Variants in SAV1 observed in about 807,000 individuals in gnomAD.
SAV1 encodes the protein salvador family WW domain containing protein 1.
SAV1 carries 23 observed loss-of-function variants against 47.3 expected under a neutral mutation model. The ratio of observed to expected loss-of-function variants is 0.49; its 90% confidence interval spans 0.35 to 0.69. The LOEUF (loss-of-function observed/expected upper bound fraction) is 0.69, where lower values mean the gene tolerates loss of function less well. Ranked by LOEUF, SAV1 falls within the 30% of genes least tolerant of loss-of-function variation. SAV1 has a pLI of 0.01. For synonymous variants in SAV1, 155 were observed against 159.2 expected, an observed-to-expected ratio of 0.97 and a Z score of 0.20; for missense variants, 448 against 457.4, an observed-to-expected ratio of 0.98 and a Z score of 0.19.
chr14:50,645,684 T>C (rs1414705968), intron 2 of SAV1, among the ~76,000 whole-genome samples: 1 of 128,714 alleles, frequency 7.8e-6, no homozygotes, highest in Non-Finnish European at 1.7e-5. Flanking sequence ...AAAAGAAAAG[T>C]GGGAAAAAGA....
At chr14:50,646,294 A>C (rs2039721159) in intron 2 of SAV1, among the ~76,000 whole-genome samples, 2 of 152,366 alleles carry the variant, frequency 1.3e-5, no homozygotes, top group African/African-American at 4.8e-5. Context: ...CTCTTGAAAG[A>C]TCTTGTACCA....
chr14:50,659,086 T>C (rs975180781), intron 2 of SAV1, among the ~76,000 whole-genome samples: 1 of 151,602 alleles, frequency 6.6e-6, no homozygotes, highest in Non-Finnish European at 1.5e-5. Flanking sequence ...TTTTTTTTTT[T>C]TTTTTTTTGG....
At chr14:50,644,619 T>C (rs1566741716) in intron 3 of SAV1, 125 bp downstream of exon 3, 2 of 884,524 alleles carry the variant, frequency 2.3e-6, no homozygotes, top group Non-Finnish European at 1.6e-6. Context: ...AAATGTAAAT[T>C]TTGAAATATA....
intron 3 of SAV1, among the ~76,000 whole-genome samples, chr14:50,642,447 C>T (rs1013728109): frequency 1.3e-5 from 2 of 151,334 alleles, no homozygotes; most frequent in Non-Finnish European, 2.9e-5. Context: ...TGAGATCGCG[C>T]CACTGCACTC....
At chr14:50,643,901 C>T (rs539295504) in intron 3 of SAV1, among the ~76,000 whole-genome samples, 2 of 152,074 alleles carry the variant, frequency 1.3e-5, no homozygotes, top group Non-Finnish European at 2.9e-5. Context: ...TACAAATGTC[C>T]ACTATAACCA....
rs767276112 is a variant in SAV1 at position 50,633,884 on chromosome 14, C to G, written c.*1299G>C. The G allele has an allele frequency of 1.2e-5, 2 of 163,458 alleles. No homozygotes were observed. Among genetic ancestry groups the G allele is most frequent in the African/African-American group, 2.4e-5 (1 of 41,860 alleles). 10.1% of individuals were successfully genotyped at this position (163,458 alleles called of 1,614,324 possible). A position where few individuals can be genotyped will look rare whatever the true frequency, so the allele number is the denominator to read the frequency against. On this transcript the variant is annotated 3_prime_UTR_variant, in exon 5 of 5. Transcript: ENST00000324679. ...TATAGTTATAGTTTAGAAGTATCACCAATTTGTTTGCAATCAAATGTACAG... is the reference window on the plus strand; with the variant it reads ...TATAGTTATAGTTTAGAAGTATCACGAATTTGTTTGCAATCAAATGTACAG...
chr14:50,650,598 T>C (rs2039759779), intron 2 of SAV1, among the ~76,000 whole-genome samples: 1 of 152,164 alleles, frequency 6.6e-6, no homozygotes, highest in Admixed American at 6.5e-5. Flanking sequence ...CTTGGTCAAG[T>C]GTACTTGCTC....
chr14:50,659,145 T>G (rs1024437382), intron 2 of SAV1, among the ~76,000 whole-genome samples: 23 of 151,790 alleles, frequency 1.5e-4, no homozygotes, highest in African/African-American at 5.1e-4. Flanking sequence ...CCTGCAACCT[T>G]CTTTAAACCT....
Position 50,653,426 on chromosome 14 carries a change from AAAG to A in SAV1, c.536-8415_536-8413del, listed in dbSNP as rs369685548. 1.0e-3 allele frequency among the ~76,000 whole-genome samples: 155 copies of A among 152,324 alleles called. 5 individuals carry two copies. In the South Asian group the frequency reaches 0.016, roughly 16 times the overall value. Reference sequence around the variant, plus strand: ...CCTTAATTATAATATTCCAACTAATAAAGAAGAAATGACAGAATTCAAGTATCA... The same window carrying A: ...CCTTAATTATAATATTCCAACTAATAAAGAAATGACAGAATTCAAGTATCA... On this transcript the variant is annotated intron_variant, in intron 2 of 4. Transcript: ENST00000324679.
At chr14:50,642,665 T>C (rs906119069) in intron 3 of SAV1, among the ~76,000 whole-genome samples, 2 of 152,110 alleles carry the variant, frequency 1.3e-5, no homozygotes, top group East Asian at 1.9e-4. Flanking sequence ...GTGGTGTATA[T>C]ATAACAATGG....
At chr14:50,636,930 TTTATAG>T (rs1566739238) in intron 4 of SAV1, among the ~76,000 whole-genome samples, 1 of 152,214 alleles carries the variant, frequency 6.6e-6, no homozygotes, top group African/African-American at 2.4e-5. Flanking sequence ...TTAATGATCG[TTTATAG>T]TATTTCCTAC....
At chr14:50,664,330 G>C (rs956020782) in intron 2 of SAV1, 1 of 152,004 alleles carries the variant, frequency 6.6e-6, no homozygotes, top group African/African-American at 2.4e-5. Context: ...CGCCTTATTT[G>C]AAGTTATGTG....
chr14:50,642,910 C>G (rs1383775665), intron 3 of SAV1, among the ~76,000 whole-genome samples: 1 of 152,150 alleles, frequency 6.6e-6, no homozygotes, highest in African/African-American at 2.4e-5. Flanking sequence ...GGATTTGAAC[C>G]ACAGCTTTAA....
At position 50,655,110 on chromosome 14, in the gene SAV1, A is replaced by C. The variant is rs2039801335; in HGVS notation, c.535+10069T>G. Among the ~76,000 whole-genome samples, 3 of 152,236 alleles carry C rather than the reference A, an allele frequency of 2.0e-5. No homozygotes were observed. In the South Asian group the frequency reaches 6.2e-4, roughly 32 times the overall value. On this transcript the variant is annotated intron_variant, in intron 2 of 4. Transcript: ENST00000324679. ...AAAGTTTAATATGTATAGTTTAAGC[A>C]ACTTCAGTACTTAAAGAGAAAATAT... is the stretch of plus-strand genomic sequence containing the variant.
At chr14:50,639,348 CTT>C (rs1297058051) in intron 4 of SAV1, among the ~76,000 whole-genome samples, 1 of 114,214 alleles carries the variant, frequency 8.8e-6, no homozygotes, top group Non-Finnish European at 1.8e-5. Flanking sequence ...AAAAATGTCT[CTT>C]TTTGTTGTGA....
At chr14:50,638,828 C>T (rs1020544333) in intron 4 of SAV1, among the ~76,000 whole-genome samples, 42 of 152,214 alleles carry the variant, frequency 2.8e-4, no homozygotes, top group African/African-American at 9.4e-4. Flanking sequence ...AGTGCAATGG[C>T]GCAATCTTGG....
chr14:50,660,619 G>C (rs1297003496), intron 2 of SAV1, among the ~76,000 whole-genome samples: 4 of 152,000 alleles, frequency 2.6e-5, no homozygotes, highest in African/African-American at 7.3e-5. Flanking sequence ...TCTATGTGTT[G>C]GGAACATTTC....
At chr14:50,652,946 G>C (rs1233233807) in intron 2 of SAV1, among the ~76,000 whole-genome samples, 1 of 152,120 alleles carries the variant, frequency 6.6e-6, no homozygotes, top group East Asian at 1.9e-4. Flanking sequence ...CAGGAGAACT[G>C]CTTGAACCCG....
chr14:50,650,926 G>C (rs942229897), intron 2 of SAV1, among the ~76,000 whole-genome samples: 1 of 152,122 alleles, frequency 6.6e-6, no homozygotes, highest in African/African-American at 2.4e-5. Context: ...AGGAGGCTGA[G>C]GCAGGAGAAC....
Sources: gnomAD v4.1 joint callset for allele counts (sites outside exome capture counted in the v4.1 genomes callset) on GRCh38, gnomAD v4.1.1 for gene constraint, MANE v1.5 for transcripts, NCBI Gene and HGNC (gene_info 2026-07-23, HGNC 2026-07-21) for gene names.